Variants in ZMYM2 observed in about 807,000 individuals in gnomAD.
The protein encoded by ZMYM2 is zinc finger MYM-type containing 2.
ZMYM2 carries 56 observed loss-of-function variants against 162.8 expected under a neutral mutation model. That is an observed-to-expected ratio of 0.34 (90% CI 0.28 to 0.43). ZMYM2 has a LOEUF of 0.43. Among genes scored for constraint, ZMYM2 ranks in the 20% least tolerant of loss-of-function variants. The pLI, the probability that ZMYM2 is intolerant of heterozygous loss-of-function variation, is 1.00. For missense variants in ZMYM2, 1,275 were observed against 1,621.8 expected, an observed-to-expected ratio of 0.79 and a Z score of 3.67; for synonymous variants, 510 against 541.6, an observed-to-expected ratio of 0.94 and a Z score of 0.81.
intron 7 of ZMYM2, among the ~76,000 whole-genome samples, chr13:20,022,495 G>A (rs190929841): frequency 2.6e-5 from 4 of 152,202 alleles, no homozygotes; most frequent in Non-Finnish European, 4.4e-5. Context: ...TTTTCCCTCT[G>A]TATCTGTTTA....
chr13:19,974,565 G>A (rs112397683), intron 2 of ZMYM2, among the ~76,000 whole-genome samples: 8 of 148,780 alleles, frequency 5.4e-5, no homozygotes, highest in Non-Finnish European at 1.2e-4. Context: ...AGTCTCTTCC[G>A]GGTTCAAGCA....
chr13:19,949,884 C>CA, the ZMYM2 span, among the ~76,000 whole-genome samples: 697 of 91,214 alleles, frequency 7.6e-3, 34 homozygotes, highest in East Asian at 0.14. Context: ...GAGACTTTGT[C>CA]AAAAAAAAAA....
At chr13:19,915,864 C>CT in the ZMYM2 span, among the ~76,000 whole-genome samples, 97,575 of 143,870 alleles carry the variant, frequency 0.68, 34,470 homozygotes, top group East Asian at 0.79. Flanking sequence ...TGAAATGACA[C>CT]TTTTTTTTTT....
the ZMYM2 span, among the ~76,000 whole-genome samples, chr13:19,900,420 A>G: frequency 1.3e-5 from 2 of 152,196 alleles, no homozygotes; most frequent in Admixed American, 1.3e-4. Flanking sequence ...GAACAGGCCT[A>G]TTACTAGGAA....
chr13:19,937,311 AT>A, the ZMYM2 span, among the ~76,000 whole-genome samples: 1 of 151,446 alleles, frequency 6.6e-6, no homozygotes, highest in Non-Finnish European at 1.5e-5. Context: ...TAATTTTTGT[AT>A]TTTTTTTAGT....
intron 1 of ZMYM2, among the ~76,000 whole-genome samples, chr13:19,959,329 AG>A (rs976029665): frequency 6.6e-6 from 1 of 151,960 alleles, no homozygotes; most frequent in African/African-American, 2.4e-5. Flanking sequence ...ACCGGAGCCG[AG>A]GTCCCCAAGT....
intron 6 of ZMYM2, among the ~76,000 whole-genome samples, chr13:20,010,416 TG>T (rs954266775): frequency 1.7e-4 from 26 of 152,224 alleles, no homozygotes; most frequent in African/African-American, 6.3e-4. Context: ...TGTTCAGGCC[TG>T]GTCTCGAACT....
chr13:20,038,946 C>CT (rs1897828045), intron 12 of ZMYM2, among the ~76,000 whole-genome samples: 1 of 152,022 alleles, frequency 6.6e-6, no homozygotes, highest in Admixed American at 6.6e-5. Flanking sequence ...TGTGTCATCT[C>CT]TGATTTCTTT....
intron 2 of ZMYM2, among the ~76,000 whole-genome samples, chr13:19,965,891 T>TG (rs980511729): frequency 1.3e-5 from 2 of 149,080 alleles, no homozygotes; most frequent in African/African-American, 4.9e-5. Context: ...GCAATTCTCC[T>TG]GCCTCAGCCT....
the ZMYM2 span, among the ~76,000 whole-genome samples, chr13:19,944,605 T>C: frequency 6.6e-6 from 1 of 152,192 alleles, no homozygotes; most frequent in Non-Finnish European, 1.5e-5. Flanking sequence ...TGGAGGCTAC[T>C]TGAGCAGGTA....
the ZMYM2 span, among the ~76,000 whole-genome samples, chr13:19,932,961 A>C: frequency 2.6e-5 from 4 of 151,934 alleles, no homozygotes; most frequent in Non-Finnish European, 4.4e-5. Flanking sequence ...TTAAATTTTT[A>C]TTTTTAGAGA....
chr13:20,002,033 A>G (rs1179386552), intron 3 of ZMYM2, among the ~76,000 whole-genome samples: 1 of 152,202 alleles, frequency 6.6e-6, no homozygotes, highest in African/African-American at 2.4e-5. Flanking sequence ...TATTTCTGAG[A>G]TATGCCTGTA....
chr13:19,881,308 GA>G, the ZMYM2 span, among the ~76,000 whole-genome samples: 2 of 151,630 alleles, frequency 1.3e-5, no homozygotes, highest in East Asian at 1.9e-4. Flanking sequence ...GCAAATTGGG[GA>G]AAAAAAATAT....
chr13:19,896,318 A>G, the ZMYM2 span, among the ~76,000 whole-genome samples: 1 of 151,114 alleles, frequency 6.6e-6, no homozygotes, highest in Non-Finnish European at 1.5e-5. Context: ...TAATTTTTGT[A>G]TTTTTAGTAG....
At chr13:19,886,743 A>G in the ZMYM2 span, among the ~76,000 whole-genome samples, 1 of 150,718 alleles carries the variant, frequency 6.6e-6, no homozygotes, top group Non-Finnish European at 1.5e-5. Context: ...TCTCCCTCCC[A>G]GGTTCAAGTG....
intron 21 of ZMYM2, among the ~76,000 whole-genome samples, chr13:20,069,960 T>C (rs1447509407): frequency 1.3e-5 from 2 of 152,108 alleles, no homozygotes; most frequent in Non-Finnish European, 2.9e-5. Flanking sequence ...GTTTTTGGTA[T>C]GTTACTTTTT....
chr13:19,875,555 G>A, the ZMYM2 span, among the ~76,000 whole-genome samples: 2 of 150,130 alleles, frequency 1.3e-5, no homozygotes, highest in African/African-American at 4.9e-5. Flanking sequence ...TTGAACCCGG[G>A]AGGCGGAGCT....
At chr13:19,962,454 TGTC>T (rs1382898266) in intron 2 of ZMYM2, among the ~76,000 whole-genome samples, 3 of 147,812 alleles carry the variant, frequency 2.0e-5, no homozygotes, top group Admixed American at 1.4e-4. Context: ...TCATAATAAA[TGTC>T]GTTGATTATG....
chr13:19,917,138 A>G, the ZMYM2 span, among the ~76,000 whole-genome samples: 2 of 151,966 alleles, frequency 1.3e-5, no homozygotes, highest in Non-Finnish European at 2.9e-5. Context: ...AATTTTTTGT[A>G]TTTTTAGTAG....
Sources: gnomAD v4.1 joint callset for allele counts (sites outside exome capture counted in the v4.1 genomes callset) on GRCh38, gnomAD v4.1.1 for gene constraint, MANE v1.5 for transcripts, NCBI Gene and HGNC (gene_info 2026-07-23, HGNC 2026-07-21) for gene names.